Variants in DIAPH2 observed in about 807,000 individuals in gnomAD.
DIAPH2 encodes diaphanous related formin 2.
In DIAPH2, 35 loss-of-function variants were observed where a neutral mutation model predicts 92.7. The observed-to-expected ratio is 0.38, with a 90% confidence interval of 0.29 to 0.50. The LOEUF (loss-of-function observed/expected upper bound fraction) is 0.50. Ranked by LOEUF, DIAPH2 falls within the 20% of genes least tolerant of loss-of-function variation. The pLI is 0.94. For missense variants in DIAPH2, 701 were observed against 819.5 expected, an observed-to-expected ratio of 0.86 and a Z score of 1.77; for synonymous variants, 301 against 280.4, an observed-to-expected ratio of 1.07 and a Z score of -0.73.
At chrX:97,119,439 C>T (rs1283305672) in intron 21 of DIAPH2, among the ~76,000 whole-genome samples, 3 of 111,577 alleles carry the variant, frequency 2.7e-5, no homozygotes, top group Non-Finnish European at 3.8e-5. Flanking sequence ...ATACCAGCAC[C>T]TGTTCTGGTG....
chrX:96,902,932 G>A (rs752840633), intron 5 of DIAPH2, among the ~76,000 whole-genome samples: 1 of 111,248 alleles, frequency 9.0e-6, no homozygotes, highest in East Asian at 2.8e-4. Context: ...TTTTAGGTTT[G>A]GTTTCAGTTA....
chrX:96,828,866 A>C (rs1483400734), intron 4 of DIAPH2, among the ~76,000 whole-genome samples: 1 of 111,666 alleles, frequency 9.0e-6, no homozygotes, highest in Non-Finnish European at 1.9e-5. Context: ...TGATGTTTAG[A>C]TTTTTGTTTG....
intron 4 of DIAPH2, among the ~76,000 whole-genome samples, chrX:96,840,928 A>T (rs2064932825): frequency 8.9e-6 from 1 of 111,924 alleles, no homozygotes; most frequent in Non-Finnish European, 1.9e-5. Context: ...TGAGATGTTA[A>T]TCAGTTTCCC....
intron 1 of DIAPH2, among the ~76,000 whole-genome samples, chrX:96,696,297 A>G (rs1011481508): frequency 8.9e-6 from 1 of 112,258 alleles, no homozygotes; most frequent in Non-Finnish European, 1.9e-5. Context: ...TAAGCCGACT[A>G]CTTTTTAAAA....
chrX:97,434,575 A>AT (rs59812820), intron 26 of DIAPH2, among the ~76,000 whole-genome samples: 41,031 of 105,921 alleles, frequency 0.39, 6,113 homozygotes, highest in East Asian at 0.56. Context: ...CACCCAGCTA[A>AT]TTTTTTTTTA....
At chrX:97,230,002 A>G (rs2067997904) in intron 22 of DIAPH2, among the ~76,000 whole-genome samples, 1 of 109,172 alleles carries the variant, frequency 9.2e-6, no homozygotes, top group African/African-American at 3.3e-5. Context: ...GCGTTTATAG[A>G]GATCTTGGGG....
chrX:97,267,351 T>C (rs2068345869), intron 23 of DIAPH2, among the ~76,000 whole-genome samples: 1 of 111,917 alleles, frequency 8.9e-6, no homozygotes, highest in Non-Finnish European at 1.9e-5. Flanking sequence ...TCTTTTTGCA[T>C]AATATTTTAA....
At chrX:96,966,448 C>G (rs2065894459) in intron 17 of DIAPH2, among the ~76,000 whole-genome samples, 2 of 112,272 alleles carry the variant, frequency 1.8e-5, no homozygotes, top group Non-Finnish European at 3.8e-5. Flanking sequence ...CTCAGACTTA[C>G]AGCATTTTGC....
intron 4 of DIAPH2, among the ~76,000 whole-genome samples, chrX:96,787,707 T>TTA (rs368119520): frequency 0.045 from 4,201 of 94,024 alleles, 122 homozygotes; most frequent in Middle Eastern, 0.1. Context: ...TTTTTTTTTT[T>TTA]TGAGACAGAG....
At chrX:97,204,966 A>C (rs778657424) in intron 22 of DIAPH2, among the ~76,000 whole-genome samples, 7 of 111,787 alleles carry the variant, frequency 6.3e-5, no homozygotes, top group Admixed American at 9.5e-5. Flanking sequence ...TACTTGTACC[A>C]AAACAGACAT....
chrX:96,751,715 G>A (rs1296896528), intron 3 of DIAPH2, among the ~76,000 whole-genome samples: 2 of 63,451 alleles, frequency 3.2e-5, no homozygotes, highest in African/African-American at 5.6e-5. Context: ...GTGCAGTGGC[G>A]GGATCTCGGC....
Position 97,600,444 on chromosome X carries a change from A to G in DIAPH2, c.*1127A>G, listed in dbSNP as rs1367675060. The G allele has an allele frequency of 8.9e-6, 1 of 111,899 alleles. No homozygotes were observed. The highest frequency in any genetic ancestry group is 1.9e-5 in the Non-Finnish European group (1 of 52,842). The allele number at this position is 111,899 out of a possible 1,213,427, so 9.2% of individuals were successfully genotyped here. On this transcript the variant is annotated 3_prime_UTR_variant, in exon 27 of 27. Coordinates refer to ENST00000324765, the MANE Select transcript of DIAPH2 (RefSeq NM_006729.5). ...TGTGTAAATATGTGTATATATTTCTATCTCTTGCTACAATAATTCCAACTA... is the reference window on the plus strand; with the variant it reads ...TGTGTAAATATGTGTATATATTTCTGTCTCTTGCTACAATAATTCCAACTA...
At chrX:96,989,056 T>A (rs770708529) in intron 17 of DIAPH2, among the ~76,000 whole-genome samples, 1 of 111,593 alleles carries the variant, frequency 9.0e-6, no homozygotes, top group South Asian at 3.8e-4. Flanking sequence ...TTGGATCTTC[T>A]ACTAAATGGC....
At chrX:97,276,772 T>G (rs1320515053) in intron 23 of DIAPH2, among the ~76,000 whole-genome samples, 1 of 111,979 alleles carries the variant, frequency 8.9e-6, no homozygotes, top group Non-Finnish European at 1.9e-5. Flanking sequence ...TTAAGTAGTT[T>G]GGACATAAAT....
chrX:97,021,477 C>T (rs941380311), intron 17 of DIAPH2, among the ~76,000 whole-genome samples: 7 of 111,957 alleles, frequency 6.3e-5, no homozygotes, highest in Admixed American at 1.9e-4. Flanking sequence ...AGATTATAGG[C>T]GTGAGCCACC....
intron 4 of DIAPH2, among the ~76,000 whole-genome samples, chrX:96,854,598 CATATATATATATATATAT>C (rs57209486): frequency 0.014 from 506 of 37,123 alleles, 6 homozygotes; most frequent in Middle Eastern, 0.07. Context: ...CTCTCTCTCT[CATATATATATATATATAT>C]ATATATATAT....
chrX:97,136,017 C>G (rs1312711597), intron 21 of DIAPH2, among the ~76,000 whole-genome samples: 1 of 111,878 alleles, frequency 8.9e-6, no homozygotes, highest in Non-Finnish European at 1.9e-5. Flanking sequence ...GTGCAGTCAA[C>G]AAATACAGAT....
Position 96,965,171 on chromosome X carries a change from G to A in DIAPH2, c.2014G>A (p.Ala672Thr), listed in dbSNP as rs775790656. The A allele has an allele frequency of 5.9e-6, 7 of 1,194,686 alleles. No individual in the cohort carries two copies. The highest frequency in any genetic ancestry group is 2.3e-6 in the Non-Finnish European group (2 of 886,890). ...CAAGTTTGAGAATCCAGATCTCTTT[G>A]CCAAATTGGCATTGAATTTTGCTAC... ...EDKFENPDLF[A>T]KLALNFATQI... Residue 672 changes from alanine to threonine, a missense_variant, in exon 17 of 27, where the codon GCC (alanine) becomes ACC (threonine). Physicochemically the swap from Ala to Thr is moderately conservative, Grantham distance 58 (BLOSUM62 0). Around this residue, in one of 3 missense-constraint regions of DIAPH2, gnomAD observed 536 missense variants for 599.3 expected, o/e 0.89. Transcript: ENST00000324765.
intron 15 of DIAPH2, among the ~76,000 whole-genome samples, chrX:96,949,687 CAAAAAAA>C (rs1167294262): frequency 7.4e-5 from 3 of 40,334 alleles, no homozygotes; most frequent in Admixed American, 3.8e-4. Context: ...ACTAAAAATA[CAAAAAAA>C]AAAAAAAAAA....
Sources: allele counts gnomAD v4.1 joint callset (sites outside exome capture counted in the v4.1 genomes callset), GRCh38; gene constraint gnomAD v4.1.1; regional missense constraint gnomAD v4.1.1; transcripts MANE v1.5; gene names NCBI Gene and HGNC (gene_info 2026-07-23, HGNC 2026-07-21).